The following DPP10 variants were observed in gnomAD, a reference collection of about 807,000 sequenced individuals.
The protein encoded by DPP10 is inactive dipeptidyl peptidase 10.
DPP10 carries 33 observed loss-of-function variants against 120.9 expected under a neutral mutation model. The ratio of observed to expected loss-of-function variants is 0.27; its 90% CI spans 0.21 to 0.37. The LOEUF (loss-of-function observed/expected upper bound fraction) is 0.37. DPP10 is among the 10% of genes least tolerant of loss of function. The pLI is 1.00. For synonymous variants in DPP10, 337 were observed against 326.1 expected, an observed-to-expected ratio of 1.03 and a Z score of -0.36; for missense variants, 816 against 942.8, an observed-to-expected ratio of 0.87 and a Z score of 1.76.
chr2:114,663,742 A>G (rs932200794), intron 1 of DPP10, among the ~76,000 whole-genome samples: 5 of 148,230 alleles, frequency 3.4e-5, no homozygotes, highest in East Asian at 2.0e-4. Context: ...CTTGGATGCA[A>G]CTCCCAGATC....
chr2:115,225,230 TG>T (rs1301332608), intron 1 of DPP10, among the ~76,000 whole-genome samples: 1 of 151,992 alleles, frequency 6.6e-6, no homozygotes, highest in East Asian at 1.9e-4. Context: ...GGAGAGGTCA[TG>T]ATAGCTCGCT....
At chr2:114,762,150 T>C (rs1280598412) in intron 1 of DPP10, among the ~76,000 whole-genome samples, 1 of 152,226 alleles carries the variant, frequency 6.6e-6, no homozygotes, top group Non-Finnish European at 1.5e-5. Context: ...TTTAATTACA[T>C]GGTTTGGCAC....
chr2:115,343,751 G>C, intron 2 of DPP10, 66 bp from the exon 3 acceptor site: 1 of 1,086,436 alleles, frequency 9.2e-7, no homozygotes, highest in Non-Finnish European at 1.4e-6. Flanking sequence ...TCCAAATTTT[G>C]TAATTTGCTC....
At chr2:115,083,938 C>T (rs190576160) in intron 1 of DPP10, among the ~76,000 whole-genome samples, 1 of 152,254 alleles carries the variant, frequency 6.6e-6, no homozygotes. Flanking sequence ...TAATATACTA[C>T]TGCAATAAGG....
intron 5 of DPP10, among the ~76,000 whole-genome samples, chr2:115,688,510 A>C (rs1460940895): frequency 6.6e-6 from 1 of 152,216 alleles, no homozygotes; most frequent in Non-Finnish European, 1.5e-5. Context: ...GAAAAATGAA[A>C]GTATCAATAA....
rs1440785331 is a variant in DPP10, at chr2:115,375,739, A to G, written c.271+31827A>G. 3.3e-5 allele frequency among the ~76,000 whole-genome samples: 5 copies of G among 152,368 alleles called. No homozygotes were observed. In the South Asian group the frequency reaches 8.3e-4, roughly 25 times the overall value. ...GGAAGATGTCAGGAAACTTGCAATT[A>G]TAGCAGAAGGTGAAGGAGAAGCACA... On this transcript the variant is annotated intron_variant, in intron 3 of 25. Transcript: ENST00000410059.
chr2:114,885,055 T>A (rs1251932035), intron 1 of DPP10, among the ~76,000 whole-genome samples: 3 of 152,192 alleles, frequency 2.0e-5, no homozygotes, highest in East Asian at 3.9e-4. Context: ...GGCTGCCCCT[T>A]GGTATTTGGC....
chr2:114,737,336 G>A (rs1431717260), intron 1 of DPP10, among the ~76,000 whole-genome samples: 2 of 152,162 alleles, frequency 1.3e-5, no homozygotes, highest in African/African-American at 4.8e-5. Context: ...GCGTGCAGGT[G>A]CCTCCTCCAT....
At chr2:115,654,427 C>T (rs1286478897) in intron 5 of DPP10, among the ~76,000 whole-genome samples, 2 of 151,750 alleles carry the variant, frequency 1.3e-5, no homozygotes, top group South Asian at 2.1e-4. Context: ...AAACTAAGCA[C>T]ATAATTTAAT....
chr2:114,703,275 G>C (rs1700494563), intron 1 of DPP10, among the ~76,000 whole-genome samples: 1 of 151,912 alleles, frequency 6.6e-6, no homozygotes, highest in African/African-American at 2.4e-5. Flanking sequence ...TCTTGTTCTG[G>C]GGAAAACAAA....
At chr2:114,521,901 G>A (rs1327922509) in intron 1 of DPP10, among the ~76,000 whole-genome samples, 7 of 142,370 alleles carry the variant, frequency 4.9e-5, no homozygotes, top group South Asian at 2.3e-4. Context: ...TCCGCTTCCC[G>A]GGTTCACGCC....
chr2:115,282,023 A>T (rs1032395764), intron 1 of DPP10, among the ~76,000 whole-genome samples: 7 of 152,050 alleles, frequency 4.6e-5, no homozygotes, highest in African/African-American at 1.7e-4. Context: ...CATTACTTTA[A>T]GGTAGGAGTG....
At chr2:115,644,071 T>A (rs1324044177) in intron 5 of DPP10, among the ~76,000 whole-genome samples, 1 of 152,176 alleles carries the variant, frequency 6.6e-6, no homozygotes. Flanking sequence ...TCCAGTCTCA[T>A]ACTGCACATC....
chr2:114,556,704 CTG>C (rs1393507975), intron 1 of DPP10, among the ~76,000 whole-genome samples: 6 of 152,012 alleles, frequency 3.9e-5, no homozygotes, highest in Non-Finnish European at 8.8e-5. Flanking sequence ...GGTTTGAAGA[CTG>C]AGTTCTGGGA....
At chr2:114,706,554 T>C (rs925274799) in intron 1 of DPP10, among the ~76,000 whole-genome samples, 1 of 152,192 alleles carries the variant, frequency 6.6e-6, no homozygotes, top group East Asian at 1.9e-4. Context: ...GGCCTTTCCC[T>C]CTAGGTCTCT....
chr2:114,969,312 C>A (rs527744734), intron 1 of DPP10, among the ~76,000 whole-genome samples: 12 of 152,224 alleles, frequency 7.9e-5, no homozygotes, highest in African/African-American at 2.9e-4. Flanking sequence ...TTGGGGAAGA[C>A]TACTTGTTTT....
chr2:115,428,130 C>G (rs1410783624), intron 3 of DPP10, among the ~76,000 whole-genome samples: 1 of 152,156 alleles, frequency 6.6e-6, no homozygotes, highest in Non-Finnish European at 1.5e-5. Context: ...ACCTCAGCAG[C>G]CTGGACTTCA....
intron 7 of DPP10, among the ~76,000 whole-genome samples, chr2:115,704,089 A>G (rs1286712051): frequency 1.3e-5 from 2 of 151,918 alleles, no homozygotes; most frequent in Non-Finnish European, 2.9e-5. Flanking sequence ...AATGTAACTA[A>G]TGTGACAACT....
intron 1 of DPP10, among the ~76,000 whole-genome samples, chr2:114,889,595 G>A (rs780080592): frequency 6.6e-6 from 1 of 151,830 alleles, no homozygotes; most frequent in Non-Finnish European, 1.5e-5. Flanking sequence ...AGTTAATTTT[G>A]TTGGGTAGTT....
Sources: allele counts gnomAD v4.1 joint callset (sites outside exome capture counted in the v4.1 genomes callset), GRCh38; gene constraint gnomAD v4.1.1; transcripts MANE v1.5; gene names NCBI Gene and HGNC (gene_info 2026-07-23, HGNC 2026-07-21).